SPATA16: variants seen among roughly 807,000 people sequenced by gnomAD.
The protein encoded by SPATA16 is spermatogenesis associated 16, also known as spermatogenesis-associated protein 16.
In SPATA16, 36 loss-of-function variants were observed where a neutral mutation model predicts 63.3. The observed-to-expected ratio is 0.57, with a 90% CI of 0.44 to 0.75. The LOEUF (loss-of-function observed/expected upper bound fraction) is 0.75. Ranked by LOEUF, SPATA16 falls within the 30% of genes least tolerant of loss-of-function variation. The pLI is 0.00. For synonymous variants in SPATA16, 203 were observed against 216.7 expected (o/e 0.94, Z 0.56); for missense variants, 646 against 679.3 (o/e 0.95, Z 0.54).
chr3:173,027,821 T>C (rs778910710), intron 3 of SPATA16, among the ~76,000 whole-genome samples: 6 of 151,870 alleles, frequency 4.0e-5, no homozygotes, highest in Non-Finnish European at 7.4e-5. Context: ...TCTGACTTCT[T>C]CCCCAGAGAC....
At chr3:173,010,251 CCT>C (rs1394330186) in intron 4 of SPATA16, among the ~76,000 whole-genome samples, 5 of 152,174 alleles carry the variant, frequency 3.3e-5, no homozygotes, top group Admixed American at 2.0e-4. Flanking sequence ...ATTGTGCCCC[CCT>C]CTGTTGCCCC....
chr3:173,053,746 A>C (rs1736153033), intron 2 of SPATA16, among the ~76,000 whole-genome samples: 1 of 152,124 alleles, frequency 6.6e-6, no homozygotes, highest in African/African-American at 2.4e-5. Flanking sequence ...GTGATCCCTG[A>C]CAATTTAGAA....
Position 172,973,692 on chromosome 3 carries a change from G to A in SPATA16, c.933+3276C>T, listed in dbSNP as rs548269516. On this transcript the variant is annotated intron_variant, in intron 5 of 10. Transcript: ENST00000351008. ...GATGTAGTAAGGAGCAGGGAGAGGT[G>A]GACTAGATTTTAATATAAAGTTCTT... 1.1e-3 allele frequency among the ~76,000 whole-genome samples: 172 copies of A among 152,140 alleles called. 1 individual carries two copies. Among genetic ancestry groups the A allele is most frequent in the African/African-American group, 4.0e-3 (168 of 41,506 alleles).
intron 5 of SPATA16, among the ~76,000 whole-genome samples, chr3:172,965,819 G>T (rs56043835): frequency 1.3e-5 from 2 of 151,960 alleles, no homozygotes; most frequent in African/African-American, 2.4e-5. Context: ...CTTGTGATCC[G>T]CCCGCCTAGG....
At position 172,924,188 on chromosome 3, in the gene SPATA16, TA is replaced by T; in HGVS notation, c.1338+19del. 6.4e-7 allele frequency: 1 copy of T among 1,556,476 alleles called. No individual in the cohort carries two copies. The highest frequency in any genetic ancestry group is 8.9e-7 in the Non-Finnish European group (1 of 1,128,616). Reference sequence around the variant, plus strand: ...CTAATATTTGTACATTGGACAAATATAAAAGACTCATATACCTACATTCAAT... The same window carrying T: ...CTAATATTTGTACATTGGACAAATATAAAGACTCATATACCTACATTCAAT... On this transcript the variant is annotated intron_variant, in intron 8 of 10. Transcript: ENST00000351008.
intron 2 of SPATA16, among the ~76,000 whole-genome samples, chr3:173,057,241 A>G (rs138247705): frequency 4.0e-4 from 60 of 151,790 alleles, no homozygotes; most frequent in African/African-American, 1.3e-3. Flanking sequence ...CCTCCTGAGT[A>G]GCTGGGACTA....
rs186698951 is a variant in SPATA16 at position 173,105,737 on chromosome 3, A to C, written c.612+11383T>G. Among the ~76,000 whole-genome samples, 545 of 151,958 alleles carry C rather than the reference A, an allele frequency of 3.6e-3. 3 individuals carry two copies. Among genetic ancestry groups the C allele is most frequent in the Admixed American group, 0.011 (169 of 15,228 alleles). On this transcript the variant is annotated intron_variant, in intron 2 of 10. Coordinates refer to ENST00000351008, the MANE Select transcript of SPATA16 (RefSeq NM_031955.6). ...CCAAAGTTGCATTCACTAACTCTGC[A>C]AATTTTCCTTCCTCCCTCCCTCTTT...
At chr3:172,946,543 A>G (rs1733292826) in intron 6 of SPATA16, among the ~76,000 whole-genome samples, 1 of 151,936 alleles carries the variant, frequency 6.6e-6, no homozygotes, top group African/African-American at 2.4e-5. Context: ...GAACACTGAC[A>G]GTAGCCAGAC....
rs762362217 is a variant in SPATA16, at chr3:173,019,522, A to G, written c.812T>C (p.Val271Ala). 6.2e-6 allele frequency: 10 copies of G among 1,614,000 alleles called. No homozygotes were observed. The highest frequency in any genetic ancestry group is 1.7e-5 in the Admixed American group (1 of 60,008). ...TGAATACCTCTCCAGACATCTAAACACTGTTGCTTGACGAAGATGATTCCG... is the reference window on the plus strand; with the variant it reads ...TGAATACCTCTCCAGACATCTAAACGCTGTTGCTTGACGAAGATGATTCCG... ...YFRNHLRQAT[V>A]FRCLERYSEA... The change falls in exon 4 of 11, where the codon GTG becomes GCG. Residue 271 changes from valine (V) to alanine (A), a missense_variant. By Grantham distance (64) the Val-to-Ala change is moderately conservative. Coordinates refer to ENST00000351008, the MANE Select transcript of SPATA16 (RefSeq NM_031955.6).
chr3:173,069,171 A>T (rs1274058768), intron 2 of SPATA16, among the ~76,000 whole-genome samples: 1 of 151,868 alleles, frequency 6.6e-6, no homozygotes, highest in Admixed American at 6.6e-5. Flanking sequence ...TGAAATTGAG[A>T]CTAAAAACAA....
intron 4 of SPATA16, among the ~76,000 whole-genome samples, chr3:172,980,135 G>A (rs1490087426): frequency 6.6e-6 from 1 of 152,214 alleles, no homozygotes; most frequent in Non-Finnish European, 1.5e-5. Flanking sequence ...TATGAAAAGT[G>A]CATGGAAATA....
At chr3:172,899,900 AT>A (rs1560060872) in intron 10 of SPATA16, among the ~76,000 whole-genome samples, 1 of 152,092 alleles carries the variant, frequency 6.6e-6, no homozygotes. Context: ...CCCATTTTTA[AT>A]TACCTTAAAT....
intron 4 of SPATA16, among the ~76,000 whole-genome samples, chr3:173,018,273 ATTTT>A (rs72021279): frequency 7.3e-6 from 1 of 137,686 alleles, no homozygotes. Flanking sequence ...CACAATGTCA[ATTTT>A]TTTTTTTTTT....
rs1223967001 is a variant in SPATA16, at chr3:172,968,341, C to CA, written c.933+8626dup. ...TCAGTGAGAGTTGGGGCTTCAAAGG[C>CA]AAAAAACCTCCAGAGAGGTGGCATT... On this transcript the variant is annotated intron_variant, in intron 5 of 10. Coordinates refer to ENST00000351008, the MANE Select transcript of SPATA16 (RefSeq NM_031955.6). Among the ~76,000 whole-genome samples the CA allele has an allele frequency of 2.0e-5, 3 of 151,962 alleles. No individual in the cohort carries two copies. In the East Asian group the frequency reaches 5.8e-4, roughly 29 times the overall value.
chr3:172,898,604 T>C (rs577137272), intron 10 of SPATA16, among the ~76,000 whole-genome samples: 2 of 151,506 alleles, frequency 1.3e-5, no homozygotes, highest in Admixed American at 6.6e-5. Context: ...TCTCCCTTTT[T>C]TATTTGTTAG....
At chr3:172,937,375 A>T (rs1283879762) in intron 6 of SPATA16, among the ~76,000 whole-genome samples, 10 of 152,344 alleles carry the variant, frequency 6.6e-5, no homozygotes, top group East Asian at 3.9e-4. Context: ...TCTGATTCCC[A>T]GCCTTTTGGT....
At chr3:173,007,361 G>A (rs1042264527) in intron 4 of SPATA16, among the ~76,000 whole-genome samples, 10 of 152,162 alleles carry the variant, frequency 6.6e-5, no homozygotes, top group Non-Finnish European at 1.5e-4. Context: ...TGATAAGAGC[G>A]GCAGGCAGCT....
At chr3:173,060,050 A>G (rs1483491600) in intron 2 of SPATA16, among the ~76,000 whole-genome samples, 25 of 151,882 alleles carry the variant, frequency 1.6e-4, no homozygotes, top group African/African-American at 6.1e-4. Context: ...TGAGGTCAGG[A>G]GTTTGAGACC....
intron 5 of SPATA16, among the ~76,000 whole-genome samples, chr3:172,966,115 C>T (rs1157374457): frequency 6.6e-6 from 1 of 151,964 alleles, no homozygotes. Flanking sequence ...TATATAGATC[C>T]ACATACATTA....
Sources: allele counts gnomAD v4.1 joint callset (sites outside exome capture counted in the v4.1 genomes callset), GRCh38; gene constraint gnomAD v4.1.1; transcripts MANE v1.5; gene names NCBI Gene and HGNC (gene_info 2026-07-23, HGNC 2026-07-21).